ALDH7A1: variants seen among roughly 807,000 people sequenced by gnomAD.
ALDH7A1 encodes alpha-aminoadipic semialdehyde dehydrogenase.
In ALDH7A1, 63 loss-of-function variants were observed where a neutral mutation model predicts 79.9. The ratio of observed to expected loss-of-function variants is 0.79; its 90% confidence interval spans 0.64 to 0.97. The LOEUF (loss-of-function observed/expected upper bound fraction) is 0.97. ALDH7A1 is among the 50% of genes least tolerant of loss of function. ALDH7A1 has a pLI of 0.00. For missense variants in ALDH7A1, 627 were observed against 665.2 expected (o/e 0.94, Z 0.63); for synonymous variants, 240 against 231.2 (o/e 1.04, Z -0.34).
In ALDH7A1 at chr5:126,542,176, A is replaced by C. The variant is rs2127030129; in HGVS notation, c.*2789T>G. The C allele has an allele frequency of 6.7e-6, 1 of 149,250 alleles. No homozygotes were observed. The highest frequency in any genetic ancestry group is 2.0e-4 in the East Asian group (1 of 5,022). 9.2% of individuals were successfully genotyped at this position (149,250 alleles called of 1,614,324 possible). ...AAAAAAAAAAAAAAAAGTTTGTTGGAGACCATAGGAATTTCATAAAAATAT... is the reference window on the plus strand; with the variant it reads ...AAAAAAAAAAAAAAAAGTTTGTTGGCGACCATAGGAATTTCATAAAAATAT... On this transcript the variant is annotated 3_prime_UTR_variant, in exon 18 of 18. Coordinates refer to ENST00000409134, the MANE Select transcript of ALDH7A1 (RefSeq NM_001182.5).
intron 14 of ALDH7A1, among the ~76,000 whole-genome samples, chr5:126,551,500 T>C (rs190504309): frequency 4.6e-5 from 7 of 152,154 alleles, no homozygotes; most frequent in Non-Finnish European, 1.0e-4. Context: ...TTTTTTGTTT[T>C]TTAGTAGAGA....
At chr5:126,548,315 G>GT (rs1405563069) in intron 16 of ALDH7A1, among the ~76,000 whole-genome samples, 4 of 151,216 alleles carry the variant, frequency 2.6e-5, no homozygotes, top group Non-Finnish European at 4.4e-5. Context: ...CAACTGGCTA[G>GT]TTTTTTTTAA....
At chr5:126,581,943 A>C (rs1473962626) in intron 5 of ALDH7A1, 1 of 356,798 alleles carries the variant, frequency 2.8e-6, no homozygotes, top group African/African-American at 2.1e-5. Flanking sequence ...GCGCCACTGC[A>C]CTCCAGCCTG....
chr5:126,585,046 C>T (rs1751313659), intron 3 of ALDH7A1, among the ~76,000 whole-genome samples: 1 of 152,198 alleles, frequency 6.6e-6, no homozygotes, highest in Non-Finnish European at 1.5e-5. Flanking sequence ...CGTCTATAAT[C>T]CCAGCACTTG....
rs368244296 is a variant in ALDH7A1 at position 126,585,180 on chromosome 5, C to G, written c.313-1168G>C. Among the ~76,000 whole-genome samples the G allele has an allele frequency of 1.7e-3, 252 of 152,242 alleles. 1 individual carries two copies. Among genetic ancestry groups the G allele is most frequent in the African/African-American group, 5.8e-3 (243 of 41,552 alleles). On this transcript the variant is annotated intron_variant, in intron 3 of 17. Coordinates refer to ENST00000409134, the MANE Select transcript of ALDH7A1 (RefSeq NM_001182.5). ...GGGCATGGTGGCAGGTGCCTGTAAT[C>G]CCAGCTACTTGGGAGGCTGAAGCAG...
intron 3 of ALDH7A1, 131 bp downstream of exon 3, chr5:126,592,533 T>C: frequency 6.8e-6 from 6 of 881,182 alleles, no homozygotes; most frequent in South Asian, 1.5e-5. Flanking sequence ...CCTAGTACAG[T>C]ATCACAGCCC....
At chr5:126,584,998 T>A (rs1454061349) in intron 3 of ALDH7A1, among the ~76,000 whole-genome samples, 1 of 152,048 alleles carries the variant, frequency 6.6e-6, no homozygotes, top group Non-Finnish European at 1.5e-5. Flanking sequence ...ATTCTGCCTC[T>A]CCTTCAAAGT....
chr5:126,557,489 AG>A (rs1305019833), intron 11 of ALDH7A1, among the ~76,000 whole-genome samples: 4 of 151,776 alleles, frequency 2.6e-5, no homozygotes, highest in African/African-American at 9.7e-5. Flanking sequence ...CAGGAGGCTG[AG>A]GTGGGAGAAT....
intron 17 of ALDH7A1, 95 bp from the exon 18 acceptor site, chr5:126,545,114 C>T: frequency 1.1e-6 from 1 of 929,082 alleles, no homozygotes; most frequent in Non-Finnish European, 1.7e-6. Flanking sequence ...TATATATTAA[C>T]AAGGCAAGAT....
chr5:126,576,949 G>T, intron 6 of ALDH7A1, 130 bp downstream of exon 6: 2 of 1,202,986 alleles, frequency 1.7e-6, no homozygotes, highest in Non-Finnish European at 2.4e-6. Context: ...ATAAAATAAA[G>T]TTTTATTGAA....
intron 8 of ALDH7A1, chr5:126,568,620 T>C (rs1750673606): frequency 8.6e-6 from 4 of 464,064 alleles, no homozygotes; most frequent in Non-Finnish European, 1.6e-5. Flanking sequence ...AAGTCTTTCC[T>C]ATACTGAGTG....
chr5:126,592,536 C>A (rs1751585681), intron 3 of ALDH7A1, 128 bp downstream of exon 3: 1 of 914,346 alleles, frequency 1.1e-6, no homozygotes, highest in South Asian at 1.4e-5. Context: ...AGTACAGTAT[C>A]ACAGCCCCCA....
At chr5:126,578,238 G>A (rs928439649) in intron 5 of ALDH7A1, among the ~76,000 whole-genome samples, 2 of 152,022 alleles carry the variant, frequency 1.3e-5, no homozygotes, top group South Asian at 2.1e-4. Flanking sequence ...GCAGTGAGCC[G>A]AGATCCTGCC....
intron 3 of ALDH7A1, among the ~76,000 whole-genome samples, chr5:126,590,034 G>A (rs1441565428): frequency 1.5e-5 from 2 of 135,158 alleles, no homozygotes; most frequent in Non-Finnish European, 3.1e-5. Context: ...CCTCTGCCCA[G>A]CTGCCGCCCC....
At chr5:126,545,267 TTTTGTTTG>T (rs1435798043) in intron 17 of ALDH7A1, among the ~76,000 whole-genome samples, 1 of 151,874 alleles carries the variant, frequency 6.6e-6, no homozygotes, top group Non-Finnish European at 1.5e-5. Flanking sequence ...TGGTGGTGGT[TTTTGTTTG>T]TTTGTTTGTT....
rs1301443265 is a variant in ALDH7A1, at chr5:126,595,135, A to C, written c.64T>G (p.Trp22Gly). 1 of 1,569,666 alleles carries C rather than the reference A, an allele frequency of 6.4e-7. No individual in the cohort carries two copies. Among genetic ancestry groups the C allele is most frequent in the Non-Finnish European group, 8.6e-7 (1 of 1,156,744 alleles). Residue 22 changes from tryptophan to glycine, a missense_variant, in exon 1 of 18, where the codon TGG (tryptophan) becomes GGG (glycine). By Grantham distance (184) the Trp-to-Gly change is radical (BLOSUM62 -2). Transcript: ENST00000409134. ...GACATGAAGGCGGCAGGCCTGCTCC[A>C]AGGTCCAGAGAGCTTGCTGGTCTTT... ...AAKTSKLSGP[W>G]SRPAAFMSTL...
At chr5:126,568,408 A>G in intron 8 of ALDH7A1, 52 bp from the exon 9 acceptor site, 1 of 1,423,670 alleles carries the variant, frequency 7.0e-7, no homozygotes, top group South Asian at 1.1e-5. Context: ...CCCAGCAATT[A>G]CAACATCTAA....
chr5:126,594,972 C>A, intron 1 of ALDH7A1, 35 bp downstream of exon 1: 1 of 1,559,562 alleles, frequency 6.4e-7, no homozygotes, highest in Non-Finnish European at 8.7e-7. Context: ...GAGCGAGCCC[C>A]GGCGGCTGCA....
intron 11 of ALDH7A1, among the ~76,000 whole-genome samples, chr5:126,557,527 G>A (rs375091312): frequency 4.0e-5 from 6 of 151,262 alleles, no homozygotes; most frequent in East Asian, 1.9e-4. Context: ...TGGAGGTTAC[G>A]GTGAGCTGAG....
Sources: allele counts gnomAD v4.1 joint callset (sites outside exome capture counted in the v4.1 genomes callset), GRCh38; gene constraint gnomAD v4.1.1; transcripts MANE v1.5; gene names NCBI Gene and HGNC (gene_info 2026-07-23, HGNC 2026-07-21).